Variants in LARP4B observed in about 807,000 individuals in gnomAD.
The protein encoded by LARP4B is la-related protein 4B.
A neutral mutation model predicts 89.8 loss-of-function variants in LARP4B; 12 were observed. That is an observed-to-expected ratio of 0.13 (90% confidence interval 0.09 to 0.22). LARP4B has a LOEUF of 0.22. LARP4B is among the 10% of genes least tolerant of loss of function. The pLI is 1.00. For missense variants in LARP4B, 757 were observed against 947.7 expected (o/e 0.80, Z 2.64); for synonymous variants, 367 against 363.3 (o/e 1.01, Z -0.12).
chr10:904,047 T>TC (rs1836418417), intron 1 of LARP4B, among the ~76,000 whole-genome samples: 1 of 152,140 alleles, frequency 6.6e-6, no homozygotes, highest in African/African-American at 2.4e-5. Flanking sequence ...AAATCTGAAA[T>TC]CCTCCAAAAT....
At chr10:889,543 C>T (rs1271637901) in intron 1 of LARP4B, among the ~76,000 whole-genome samples, 1 of 152,228 alleles carries the variant, frequency 6.6e-6, no homozygotes, top group Non-Finnish European at 1.5e-5. Flanking sequence ...CAGGAACTGA[C>T]TTCTTTCTCA....
chr10:920,433 C>G (rs1836947366), intron 1 of LARP4B, among the ~76,000 whole-genome samples: 1 of 152,234 alleles, frequency 6.6e-6, no homozygotes, highest in African/African-American at 2.4e-5. Context: ...ATATAAACAT[C>G]TTACTTCAAA....
intron 1 of LARP4B, among the ~76,000 whole-genome samples, chr10:929,208 T>G (rs61833260): frequency 0.13 from 19,323 of 152,090 alleles, 1,617 homozygotes; most frequent in Non-Finnish European, 0.19. Flanking sequence ...CCCAGATACA[T>G]GTGTAAACAA....
chr10:844,776 C>G (rs539768411), intron 6 of LARP4B, among the ~76,000 whole-genome samples: 6 of 152,138 alleles, frequency 3.9e-5, no homozygotes, highest in African/African-American at 1.4e-4. Context: ...ACCACCGAGA[C>G]CACTGGGGAC....
At chr10:931,722 G>A (rs1830624054), upstream of LARP4B, 1 of 151,334 alleles carries the variant, frequency 6.6e-6, no homozygotes, top group African/African-American at 2.4e-5. Context: ...CCGGGGCCCT[G>A]CGGAAGTCCC....
At chr10:964,344 C>T in the LARP4B span, among the ~76,000 whole-genome samples, 4 of 152,298 alleles carry the variant, frequency 2.6e-5, no homozygotes, top group Middle Eastern at 3.4e-3. Context: ...GGATTACAGG[C>T]GTGGGTCACC....
At chr10:924,217 G>A (rs1837072898) in intron 1 of LARP4B, among the ~76,000 whole-genome samples, 1 of 152,104 alleles carries the variant, frequency 6.6e-6, no homozygotes, top group South Asian at 2.1e-4. Flanking sequence ...CTCCAGCCTG[G>A]GTGACACAAA....
chr10:864,025 A>G, intron 4 of LARP4B, 98 bp downstream of exon 4: 1 of 1,567,246 alleles, frequency 6.4e-7, no homozygotes, highest in South Asian at 1.2e-5. Flanking sequence ...ACCATGACAC[A>G]GTTATGAATG....
chr10:962,078 A>T, the LARP4B span, among the ~76,000 whole-genome samples: 1 of 152,108 alleles, frequency 6.6e-6, no homozygotes, highest in Non-Finnish European at 1.5e-5. Context: ...GGATCACCTG[A>T]GGTCGGGAGT....
chr10:873,480 G>T, intron 3 of LARP4B: 4 of 934,590 alleles, frequency 4.3e-6, no homozygotes, highest in Non-Finnish European at 5.1e-6. Flanking sequence ...AAGATTTCAG[G>T]CTTCTGGTTT....
chr10:863,651 C>CAAT, intron 5 of LARP4B, 92 bp downstream of exon 5: 1 of 1,312,692 alleles, frequency 7.6e-7, no homozygotes, highest in Non-Finnish European at 1.0e-6. Context: ...AAAGAAAGAC[C>CAAT]CATTGTGTAG....
At chr10:906,677 T>C (rs1205647380) in intron 1 of LARP4B, among the ~76,000 whole-genome samples, 3 of 152,362 alleles carry the variant, frequency 2.0e-5, no homozygotes, top group Non-Finnish European at 2.9e-5. Context: ...GAATGCCCAG[T>C]GAACACCTTA....
At chr10:978,367 AAAGTT>A in the LARP4B span, among the ~76,000 whole-genome samples, 4 of 152,196 alleles carry the variant, frequency 2.6e-5, no homozygotes, top group Non-Finnish European at 5.9e-5. Context: ...GGTTTACATT[AAAGTT>A]ATCTTTATGA....
the LARP4B span, among the ~76,000 whole-genome samples, chr10:949,617 T>G: frequency 1.3e-5 from 2 of 151,892 alleles, no homozygotes; most frequent in Non-Finnish European, 2.9e-5. Context: ...GCTGCATCAC[T>G]CTGTTATTTT....
rs960790997 is a variant in LARP4B at position 810,169 on chromosome 10, GTTAAC to G, written c.*2752_*2756del. 1 of 151,024 alleles carries G rather than the reference GTTAAC, an allele frequency of 6.6e-6. No homozygotes were observed. Among genetic ancestry groups the G allele is most frequent in the East Asian group, 1.9e-4 (1 of 5,156 alleles). 9.4% of individuals were successfully genotyped at this position (151,024 alleles called of 1,614,324 possible). A position where few individuals can be genotyped will look rare whatever the true frequency, so the allele number is the denominator to read the frequency against. On this transcript the variant is annotated 3_prime_UTR_variant, in exon 18 of 18. Transcript: ENST00000316157. ...GATACTGCTGGGGGTAAAGGAGGGTGTTAACTTAAAAAAAAAAAAAGTATGAAAGC... is the reference window on the plus strand; with the variant it reads ...GATACTGCTGGGGGTAAAGGAGGGTGTTAAAAAAAAAAAAAGTATGAAAGC...
At chr10:981,171 A>G in the LARP4B span, among the ~76,000 whole-genome samples, 819 of 152,222 alleles carry the variant, frequency 5.4e-3, 6 homozygotes, top group Non-Finnish European at 7.4e-3. Flanking sequence ...GTTCCCAATA[A>G]TTTCCTCATT....
At chr10:961,386 GGCGGC>G in the LARP4B span, among the ~76,000 whole-genome samples, 307 of 151,966 alleles carry the variant, frequency 2.0e-3, 1 homozygote, top group African/African-American at 7.1e-3. Context: ...GTCCACTCAT[GGCGGC>G]GTGGTGCCAG....
downstream of LARP4B, chr10:808,749 A>ACG (rs146971606): frequency 0.26 from 37,012 of 144,684 alleles, 5,061 homozygotes; most frequent in South Asian, 0.43. Context: ...GTGCGTGTGC[A>ACG]CGCACACACA....
At chr10:959,930 TCCTCGTCAATCCCA>T in the LARP4B span, among the ~76,000 whole-genome samples, 1 of 149,340 alleles carries the variant, frequency 6.7e-6, no homozygotes, top group African/African-American at 2.5e-5. Context: ...CAATCCCACC[TCCTCGTCAATCCCA>T]CCTCCTCGTC....
Sources: gnomAD v4.1 joint callset for allele counts (sites outside exome capture counted in the v4.1 genomes callset) on GRCh38, gnomAD v4.1.1 for gene constraint, MANE v1.5 for transcripts, NCBI Gene and HGNC (gene_info 2026-07-23, HGNC 2026-07-21) for gene names.